CUBN: variants seen among roughly 807,000 people sequenced by gnomAD.
The protein encoded by CUBN is cubilin, also known as 460 kDa receptor.
Under a neutral mutation model 405.3 loss-of-function variants are expected in CUBN, and 282 were observed. That is an observed-to-expected ratio of 0.70 (90% confidence interval 0.63 to 0.77). The LOEUF (loss-of-function observed/expected upper bound fraction) is 0.77, where lower values mean the gene tolerates loss of function less well. CUBN is among the 30% of genes least tolerant of loss of function. The probability of loss-of-function intolerance (pLI) is 0.00; values close to 1 mark genes in which losing one functional copy is unlikely to be tolerated. For missense variants in CUBN, 4,514 were observed against 4,475.2 expected, an observed-to-expected ratio of 1.01 and a Z score of -0.25; for synonymous variants, 1,684 against 1,617.0, an observed-to-expected ratio of 1.04 and a Z score of -0.99.
Position 17,087,301 on chromosome 10 carries a change from C to T in CUBN, c.1947+863G>A, listed in dbSNP as rs770587410. On this transcript the variant is annotated intron_variant, in intron 15 of 66. Transcript: ENST00000377833. The stretch of plus-strand genomic sequence containing the variant: ...AGAGCAACACTTTTTGATGCACCTA[C>T]GTACAAACGGCATTTGAATATAAGA... Among the ~76,000 whole-genome samples, 17 of 152,160 alleles carry T rather than the reference C, an allele frequency of 1.1e-4. 1 individual carries two copies. The highest frequency in any genetic ancestry group is 3.3e-4 in the Admixed American group (5 of 15,266).
intron 64 of CUBN, among the ~76,000 whole-genome samples, chr10:16,833,268 G>C (rs1839062043): frequency 1.3e-5 from 2 of 150,150 alleles, no homozygotes; most frequent in Admixed American, 1.3e-4. Flanking sequence ...TCCATGGTGG[G>C]GGAGGTACAC....
intron 28 of CUBN, among the ~76,000 whole-genome samples, chr10:16,998,207 C>G (rs1006357465): frequency 6.6e-6 from 1 of 151,712 alleles, no homozygotes; most frequent in Admixed American, 6.6e-5. Flanking sequence ...TGACTGTGAC[C>G]TTTTTGGAGG....
chr10:16,874,898 G>A (rs1339147722), intron 57 of CUBN, among the ~76,000 whole-genome samples: 7 of 152,070 alleles, frequency 4.6e-5, no homozygotes, highest in Non-Finnish European at 8.8e-5. Flanking sequence ...TGTTCTGGGC[G>A]TACAGATCTA....
At chr10:16,980,355 G>T in intron 31 of CUBN, among the ~76,000 whole-genome samples, 1 of 152,156 alleles carries the variant, frequency 6.6e-6, no homozygotes. Context: ...ATAACCAAAG[G>T]ATTATAAATC....
chr10:16,906,070 C>A (rs1841544594), intron 50 of CUBN, 133 bp downstream of exon 50: 9 of 751,110 alleles, frequency 1.2e-5, no homozygotes, highest in Admixed American at 2.0e-5. Context: ...GTTATGATCA[C>A]ACCACTGCAC....
In CUBN at chr10:17,126,734, T is replaced by C. The variant is rs767819536; in HGVS notation, c.387+27A>G. ...TTCTAGTATGTTTTCTGTGAAAGAT[T>C]TGGGTATGTAGTAGCATGAGACCTA... On this transcript the variant is annotated intron_variant, in intron 4 of 66. Coordinates refer to ENST00000377833, the MANE Select transcript of CUBN (RefSeq NM_001081.4). The C allele has an allele frequency of 1.1e-5, 18 of 1,611,304 alleles. No homozygotes were observed. In the South Asian group the frequency reaches 1.6e-4, roughly 15 times the overall value.
At chr10:17,105,899 C>G (rs906781621) in intron 10 of CUBN, among the ~76,000 whole-genome samples, 11 of 152,216 alleles carry the variant, frequency 7.2e-5, no homozygotes, top group African/African-American at 1.4e-4. Flanking sequence ...CATTCCTCAT[C>G]ATGGAGGAGT....
chr10:16,914,459 T>TGAGGCAGAAGAATTGCTTGAACCCGG, intron 47 of CUBN, among the ~76,000 whole-genome samples: 1 of 152,056 alleles, frequency 6.6e-6, no homozygotes, highest in Non-Finnish European at 1.5e-5. Context: ...CTCAGGAGCC[T>TGAGGCAGAAGAATTGCTTGAACCCGG]GAGGCAGAAG....
Position 16,906,214 on chromosome 10 carries a change from T to G in CUBN, c.7901A>C (p.Glu2634Ala). Residue 2634 changes from glutamate (E) to alanine (A), a missense_variant, in exon 50 of 67, where the codon GAG (glutamate) becomes GCG (alanine). Physicochemically the swap from Glu to Ala is moderately radical, Grantham distance 107. Around this residue, in one of 5 missense-constraint regions of CUBN, gnomAD observed 25 missense variants for 48.5 expected, o/e 0.52. Coordinates refer to ENST00000377833, the MANE Select transcript of CUBN (RefSeq NM_001081.4). ...TAGATAGAACTCACCCACTCGAAAC[T>G]CGAGGACATCAAATTGACAGTCTTG... ...SHQDCQFDVLEFRVGDADGPL... is the reference protein window; with the variant it reads ...SHQDCQFDVLAFRVGDADGPL... 1 of 1,612,660 alleles carries G rather than the reference T, an allele frequency of 6.2e-7. No homozygotes were observed. Among genetic ancestry groups the G allele is most frequent in the South Asian group, 1.1e-5 (1 of 91,058 alleles).
chr10:17,103,159 T>C lies in CUBN; in HGVS notation c.1496A>G (p.Asn499Ser), dbSNP rs1283299542. 1 of 1,613,634 alleles carries C rather than the reference T, an allele frequency of 6.2e-7. No individual in the cohort carries two copies. Among genetic ancestry groups the C allele is most frequent in the African/African-American group, 1.3e-5 (1 of 74,902 alleles). The change falls in exon 13 of 67, where the codon AAC becomes AGC. Residue 499 changes from asparagine (N) to serine (S), a missense_variant. This residue lies in a region of CUBN where 1,448 missense variants were observed against 1,388.0 expected (regional missense o/e 1.04). Transcript: ENST00000377833. ...TTCAGTTTTGATAACCCAGAAGCAG[T>C]TAACATCATGAACATAACCAACATC... The part of the protein sequence containing the change: ...SPDVGYVHDV[N>S]CFWVIKTEMG...
Position 16,845,548 on chromosome 10 carries a change from G to A in CUBN, c.9664-4501C>T, listed in dbSNP as rs73590393. Among the ~76,000 whole-genome samples the A allele has an allele frequency of 1.8e-3, 272 of 152,266 alleles. 2 individuals carry two copies. Among genetic ancestry groups the A allele is most frequent in the African/African-American group, 6.2e-3 (257 of 41,542 alleles). On this transcript the variant is annotated intron_variant, in intron 60 of 66. Coordinates refer to ENST00000377833, the MANE Select transcript of CUBN (RefSeq NM_001081.4). The stretch of plus-strand genomic sequence containing the variant: ...AGTTATACTAGTCCCAGATGTCTGG[G>A]AAAAAGCCACAAAGAAGCAATGATT...
chr10:17,004,465 C>G (rs1833964523), intron 28 of CUBN, among the ~76,000 whole-genome samples: 2 of 152,218 alleles, frequency 1.3e-5, no homozygotes, highest in Non-Finnish European at 2.9e-5. Context: ...CTGAACATCT[C>G]AAATTCAGCA....
intron 31 of CUBN, among the ~76,000 whole-genome samples, chr10:16,974,502 C>T (rs1476260771): frequency 6.6e-6 from 1 of 151,496 alleles, no homozygotes; most frequent in Non-Finnish European, 1.5e-5. Context: ...TGGCTCAATG[C>T]AAGCTCTGCC....
rs550808566 is a variant in CUBN at position 16,974,737 on chromosome 10, G to A, written c.4695+7747C>T. Among the ~76,000 whole-genome samples, 14 of 152,126 alleles carry A rather than the reference G, an allele frequency of 9.2e-5. No homozygotes were observed. The South Asian group carries it at 1.2e-3, about 14-fold the overall frequency. ...TCCACTTAAACACAGATTTTCTTCCGTCTCTGCCACCCCTGAGACAGCAAG... is the reference window on the plus strand; with the variant it reads ...TCCACTTAAACACAGATTTTCTTCCATCTCTGCCACCCCTGAGACAGCAAG... On this transcript the variant is annotated intron_variant, in intron 31 of 66. Transcript: ENST00000377833.
intron 28 of CUBN, among the ~76,000 whole-genome samples, chr10:17,001,714 T>G (rs1057440111): frequency 4.6e-5 from 7 of 152,254 alleles, no homozygotes; most frequent in Non-Finnish European, 8.8e-5. Context: ...TCATTCACTC[T>G]TTACATGGCA....
chr10:16,870,499 T>A (rs531875911), intron 58 of CUBN, among the ~76,000 whole-genome samples: 2 of 152,204 alleles, frequency 1.3e-5, no homozygotes, highest in African/African-American at 2.4e-5. Context: ...GGGGCACACT[T>A]TGAGGCTTGA....
chr10:16,854,717 A>G (rs548159110), intron 59 of CUBN, among the ~76,000 whole-genome samples: 26 of 152,340 alleles, frequency 1.7e-4, no homozygotes, highest in Middle Eastern at 3.4e-3. Flanking sequence ...TAATAAGTTC[A>G]TAAGGGCAAG....
chr10:16,942,338 T>G (rs758273563), intron 36 of CUBN, among the ~76,000 whole-genome samples: 5 of 152,180 alleles, frequency 3.3e-5, no homozygotes, highest in Middle Eastern at 6.8e-3. Flanking sequence ...TAAAAACACA[T>G]GACCAAGGTA....
intron 60 of CUBN, among the ~76,000 whole-genome samples, chr10:16,843,188 C>T (rs184767976): frequency 9.8e-5 from 15 of 152,318 alleles, no homozygotes; most frequent in Non-Finnish European, 4.4e-5. Flanking sequence ...AACCATGGCT[C>T]CCTTCTAGAA....
Sources: allele counts gnomAD v4.1 joint callset (sites outside exome capture counted in the v4.1 genomes callset), GRCh38; gene constraint gnomAD v4.1.1; regional missense constraint gnomAD v4.1.1; transcripts MANE v1.5; gene names NCBI Gene and HGNC (gene_info 2026-07-23, HGNC 2026-07-21).